The following SEC24A variants were observed in gnomAD, a reference collection of about 807,000 sequenced individuals.
The protein encoded by SEC24A is SEC24 homolog A, COPII component.
SEC24A carries 93 observed loss-of-function variants against 129.4 expected under a neutral mutation model. That is an observed-to-expected ratio of 0.72 (90% CI 0.61 to 0.85). The LOEUF (loss-of-function observed/expected upper bound fraction) is 0.85. SEC24A is among the 40% of genes least tolerant of loss of function. The probability of loss-of-function intolerance (pLI) is 0.00; values close to 1 mark genes in which losing one functional copy is unlikely to be tolerated. For synonymous variants in SEC24A, 460 were observed against 467.3 expected (o/e 0.98, Z 0.20); for missense variants, 1,264 against 1,307.4 (o/e 0.97, Z 0.51).
At chr5:134,699,950 C>T (rs544043990) in intron 15 of SEC24A, among the ~76,000 whole-genome samples, 1 of 152,046 alleles carries the variant, frequency 6.6e-6, no homozygotes, top group South Asian at 2.1e-4. Flanking sequence ...ATCCGCCTAC[C>T]TTGGCCTCCC....
intron 18 of SEC24A, among the ~76,000 whole-genome samples, chr5:134,710,491 C>G (rs1752292789): frequency 6.6e-6 from 1 of 152,142 alleles, no homozygotes; most frequent in Non-Finnish European, 1.5e-5. Context: ...CCTCATCCTC[C>G]TAAAGTGCAG....
intron 5 of SEC24A, 98 bp from the exon 6 acceptor site, chr5:134,674,947 C>A: frequency 1.7e-6 from 2 of 1,187,894 alleles, no homozygotes; most frequent in Non-Finnish European, 2.3e-6. Context: ...AAAGATTGGC[C>A]AAGAGATCTA....
intron 4 of SEC24A, among the ~76,000 whole-genome samples, chr5:134,673,788 T>C (rs971817551): frequency 2.6e-5 from 4 of 152,160 alleles, no homozygotes; most frequent in Non-Finnish European, 5.9e-5. Flanking sequence ...CTGTGCAAAC[T>C]AGTTTTTGTG....
chr5:134,722,004 TTAA>T (rs1481431471), intron 21 of SEC24A, among the ~76,000 whole-genome samples: 1 of 152,208 alleles, frequency 6.6e-6, no homozygotes, highest in Non-Finnish European at 1.5e-5. Context: ...TGTTATATTT[TTAA>T]TAATAACTGA....
At chr5:134,707,371 C>T (rs1580732332) in intron 17 of SEC24A, among the ~76,000 whole-genome samples, 1 of 151,656 alleles carries the variant, frequency 6.6e-6, no homozygotes, top group Non-Finnish European at 1.5e-5. Flanking sequence ...ACTCTATCGC[C>T]CAGGGTGGAG....
chr5:134,684,833 T>A (rs1419068519), intron 9 of SEC24A, among the ~76,000 whole-genome samples: 1 of 152,204 alleles, frequency 6.6e-6, no homozygotes, highest in African/African-American at 2.4e-5. Flanking sequence ...CTTGTTCTTT[T>A]AAATTTACCT....
intron 9 of SEC24A, among the ~76,000 whole-genome samples, chr5:134,684,468 T>C (rs759752462): frequency 2.6e-5 from 4 of 151,596 alleles, no homozygotes; most frequent in Non-Finnish European, 5.9e-5. Context: ...ATCCCAGCAA[T>C]TTGGGAGGCC....
intron 19 of SEC24A, among the ~76,000 whole-genome samples, chr5:134,715,910 G>A (rs920523611): frequency 6.6e-6 from 1 of 151,816 alleles, no homozygotes; most frequent in Admixed American, 6.6e-5. Flanking sequence ...TCTGGGGAAT[G>A]GGGGTTTTTT....
intron 16 of SEC24A, among the ~76,000 whole-genome samples, chr5:134,705,090 A>ATATATATATATATATATATATATTTT (rs1180461537): frequency 8.1e-6 from 1 of 123,302 alleles, no homozygotes; most frequent in Admixed American, 8.5e-5. Flanking sequence ...ATATATATAT[A>ATATATATATATATATATATATATTTT]TTTTTTTTTT....
At chr5:134,687,058 A>C (rs563303070) in intron 10 of SEC24A, among the ~76,000 whole-genome samples, 156 bp downstream of exon 10, 1 of 152,362 alleles carries the variant, frequency 6.6e-6, no homozygotes, top group Non-Finnish European at 1.5e-5. Context: ...TCGAAACATT[A>C]TTTTTAAATC....
intron 20 of SEC24A, among the ~76,000 whole-genome samples, chr5:134,719,187 G>A (rs1752562418): frequency 6.6e-6 from 1 of 152,048 alleles, no homozygotes; most frequent in Admixed American, 6.6e-5. Flanking sequence ...TTCGAGACCA[G>A]CCGGGGCAAC....
At chr5:134,674,592 C>T in intron 4 of SEC24A, 23 bp from the exon 5 acceptor site, 1 of 1,602,700 alleles carries the variant, frequency 6.2e-7, no homozygotes, top group Admixed American at 1.7e-5. Flanking sequence ...TAAAATAGAA[C>T]TTAAAAGTTA....
intron 1 of SEC24A, among the ~76,000 whole-genome samples, chr5:134,659,047 TTTTATTTATTTATTTA>T (rs142189667): frequency 2.2e-5 from 3 of 138,828 alleles, no homozygotes; most frequent in Non-Finnish European, 4.6e-5. Flanking sequence ...ACCCATTTAT[TTTTATTTATTTATTTA>T]TTTATTTATT....
intron 15 of SEC24A, among the ~76,000 whole-genome samples, chr5:134,701,973 A>G (rs546864146): frequency 6.6e-6 from 1 of 152,340 alleles, no homozygotes; most frequent in South Asian, 2.1e-4. Context: ...GAACTCAAGC[A>G]TAACTTCTGT....
intron 17 of SEC24A, among the ~76,000 whole-genome samples, chr5:134,708,320 TAATTAA>T (rs1318958283): frequency 6.6e-6 from 1 of 152,156 alleles, no homozygotes; most frequent in Admixed American, 6.5e-5. Context: ...TTGTTTTAAT[TAATTAA>T]AATTAAAATT....
At chr5:134,687,980 T>C (rs564233112) in intron 10 of SEC24A, among the ~76,000 whole-genome samples, 81 of 152,354 alleles carry the variant, frequency 5.3e-4, no homozygotes, top group South Asian at 1.9e-3. Context: ...TTTTTGTTTA[T>C]TGTTTGGCTT....
chr5:134,661,012 G>T, intron 1 of SEC24A, 107 bp from the exon 2 acceptor site: 4 of 804,386 alleles, frequency 5.0e-6, no homozygotes, highest in Non-Finnish European at 8.1e-6. Flanking sequence ...TTTTTTAATT[G>T]AGTTATGTGT....
At chr5:134,714,961 A>G (rs1752434116) in intron 18 of SEC24A, 63 bp from the exon 19 acceptor site, 2 of 1,479,276 alleles carry the variant, frequency 1.4e-6, no homozygotes, top group Non-Finnish European at 1.8e-6. Flanking sequence ...CTGGCATTTT[A>G]AAAGTTCTGG....
chr5:134,692,881 C>T, intron 12 of SEC24A: 1 of 733,320 alleles, frequency 1.4e-6, no homozygotes, highest in Non-Finnish European at 2.4e-6. Context: ...AGAAAATAAG[C>T]ATATTCCATA....
Sources: allele counts gnomAD v4.1 joint callset (sites outside exome capture counted in the v4.1 genomes callset), GRCh38; gene constraint gnomAD v4.1.1; transcripts MANE v1.5; gene names NCBI Gene and HGNC (gene_info 2026-07-23, HGNC 2026-07-21).